The following HEATR4 variants were observed in gnomAD, a reference collection of about 807,000 sequenced individuals.
HEATR4 encodes the protein HEAT repeat-containing protein 4.
In HEATR4, 95 loss-of-function variants were observed where a neutral mutation model predicts 108.8. The ratio of observed to expected loss-of-function variants is 0.87; its 90% CI spans 0.74 to 1.04. The LOEUF (loss-of-function observed/expected upper bound fraction) is 1.04. HEATR4 is among the 50% of genes least tolerant of loss of function. The pLI is 0.00. For missense variants in HEATR4, 1,152 were observed against 1,253.8 expected (o/e 0.92, Z 1.23); for synonymous variants, 443 against 459.4 (o/e 0.96, Z 0.46).
chr14:73,496,809 C>A, intron 14 of HEATR4, 130 bp from the exon 15 acceptor site: 1 of 617,922 alleles, frequency 1.6e-6, no homozygotes, highest in Non-Finnish European at 2.9e-6. Flanking sequence ...TTTTGCTGAG[C>A]CTTATATGCA....
chr14:73,561,652 C>T (rs1889532853), upstream of HEATR4, among the ~76,000 whole-genome samples: 1 of 151,700 alleles, frequency 6.6e-6, no homozygotes, highest in Admixed American at 6.6e-5. Context: ...CCACTCCACC[C>T]CAGCCGGGCA....
chr14:73,489,387 G>A lies in HEATR4; in HGVS notation c.2844+3679C>T, dbSNP rs1353641723. ...CCTTGGCAAGTGTTTGGATAGGCTT[G>A]CAACTGAGAAAGAGGGAGTGTTGAA... On this transcript the variant is annotated intron_variant, in intron 17 of 17. Transcript: ENST00000553558. Among the ~76,000 whole-genome samples, 4 of 152,294 alleles carry A rather than the reference G, an allele frequency of 2.6e-5. No individual in the cohort carries two copies. The East Asian group carries it at 7.7e-4, about 29-fold the overall frequency.
intron 1 of HEATR4, among the ~76,000 whole-genome samples, chr14:73,540,056 A>G (rs1356935361): frequency 8.3e-6 from 1 of 119,924 alleles, no homozygotes; most frequent in African/African-American, 2.7e-5. Context: ...ACAACAGAGT[A>G]CATTTCACAC....
At chr14:73,569,697 G>C in the HEATR4 span, 1 of 1,609,584 alleles carries the variant, frequency 6.2e-7, no homozygotes, top group South Asian at 1.1e-5. Context: ...GAAACCTTTG[G>C]TGCGGCTGGT....
rs1031492100 is a variant in HEATR4, at chr14:73,502,875, T to C, written c.2105+20A>G. On this transcript the variant is annotated intron_variant, in intron 11 of 17. Transcript: ENST00000553558. ...TCTAAGAATTTAGAAGAGTGTCTCC[T>C]CATGTTGACTGGGTCTTACCTGATT... The C allele has an allele frequency of 6.4e-7, 1 of 1,569,922 alleles. No homozygotes were observed. The highest frequency in any genetic ancestry group is 1.7e-5 in the Admixed American group (1 of 59,900).
At chr14:73,508,317 A>C (rs1886982779) in intron 8 of HEATR4, 23 bp from the exon 9 acceptor site, 1 of 1,611,480 alleles carries the variant, frequency 6.2e-7, no homozygotes, top group South Asian at 1.1e-5. Flanking sequence ...GGTGAAAAAG[A>C]GTTCAGAATG....
the HEATR4 span, among the ~76,000 whole-genome samples, chr14:73,610,027 T>C: frequency 6.6e-6 from 1 of 151,882 alleles, no homozygotes; most frequent in African/African-American, 2.4e-5. Flanking sequence ...CCTCCTGGTG[T>C]ACCTGGATAA....
chr14:73,549,128 T>C (rs1194057968), intron 1 of HEATR4, among the ~76,000 whole-genome samples: 2 of 114,852 alleles, frequency 1.7e-5, no homozygotes, highest in Non-Finnish European at 3.8e-5. Context: ...CTGTTCCTCA[T>C]AGATAGCACC....
rs753612590 is a variant in HEATR4 at position 73,490,993 on chromosome 14, CG to C, written c.2844+2072del. 6.7e-6 allele frequency: 9 copies of C among 1,348,170 alleles called. No individual in the cohort carries two copies. In the South Asian group the frequency reaches 1.8e-4, roughly 28 times the overall value. 83.5% of individuals were successfully genotyped at this position (1,348,170 alleles called of 1,614,324 possible). ...TTAGCTTCGCCCCCGGCCGGCCGGG[CG>C]GGGAAGACTGGTGTGGTCTGGCCAT... is the stretch of plus-strand genomic sequence containing the variant. On this transcript the variant is annotated intron_variant, in intron 17 of 17. Coordinates refer to ENST00000553558, the MANE Select transcript of HEATR4 (RefSeq NM_001220484.1).
the HEATR4 span, chr14:73,620,003 C>A: frequency 1.3e-6 from 1 of 749,732 alleles, no homozygotes; most frequent in Non-Finnish European, 2.0e-6. Context: ...CCTCTGCCTC[C>A]CAGGTCCAAG....
chr14:73,493,011 T>TTC lies in HEATR4; in HGVS notation c.2844+54_2844+55insGA. 1.9e-6 allele frequency: 3 copies of TTC among 1,583,668 alleles called. No homozygotes were observed. The South Asian group carries it at 3.5e-5, about 19-fold the overall frequency. On this transcript the variant is annotated intron_variant, in intron 17 of 17. Coordinates refer to ENST00000553558, the MANE Select transcript of HEATR4 (RefSeq NM_001220484.1). Reference sequence around the variant, plus strand: ...CTGCCACTGCTACCTTTTTTTTTTTTTTTTCCTTAAACTCACGTTCTTACC... The same window carrying TTC: ...CTGCCACTGCTACCTTTTTTTTTTTTTCTTTTCCTTAAACTCACGTTCTTACC...
Position 73,523,010 on chromosome 14 carries a change from A to G in HEATR4, c.143T>C (p.Met48Thr). Residue 48 changes from methionine to threonine, a missense_variant, in exon 3 of 18, where the codon ATG becomes ACG. Physicochemically the swap from Met to Thr is moderately conservative, Grantham distance 81. Coordinates refer to ENST00000553558, the MANE Select transcript of HEATR4 (RefSeq NM_001220484.1). ...EECASVSSVP[M>T]VFFSSQYRLH... Reference sequence around the variant, plus strand: ...ACGGTACTGTGAGCTGAAGAAGACCATAGGCACACTGGAGACAGAGGCACA... The same window carrying G: ...ACGGTACTGTGAGCTGAAGAAGACCGTAGGCACACTGGAGACAGAGGCACA... 6.2e-7 allele frequency: 1 copy of G among 1,614,144 alleles called. No homozygotes were observed. The highest frequency in any genetic ancestry group is 8.5e-7 in the Non-Finnish European group (1 of 1,180,046).
chr14:73,567,003 T>C, the HEATR4 span, among the ~76,000 whole-genome samples: 1 of 152,090 alleles, frequency 6.6e-6, no homozygotes, highest in Non-Finnish European at 1.5e-5. Flanking sequence ...GAGATGGGGT[T>C]TCACTGTGTT....
Position 73,522,387 on chromosome 14 carries a change from G to C in HEATR4, c.766C>G (p.Leu256Val), listed in dbSNP as rs1234992031. The C allele has an allele frequency of 1.2e-6, 2 of 1,614,134 alleles. No homozygotes were observed. The highest frequency in any genetic ancestry group is 2.7e-5 in the African/African-American group (2 of 74,944). ...IRDELTSASD[L>V]ELLKQLEAEE... is the part of the protein sequence containing the mutation. ...GCCTCCAGCTGTTTCAGGAGCTCCA[G>C]GTCACTGGCAGAGGTAAGCTCATCC... The change falls in exon 3 of 18, where the codon CTG becomes GTG. Residue 256 changes from leucine (L) to valine (V), a missense_variant. By Grantham distance (32) the Leu-to-Val change is conservative. Coordinates refer to ENST00000553558, the MANE Select transcript of HEATR4 (RefSeq NM_001220484.1).
chr14:73,629,043 G>A, the HEATR4 span, among the ~76,000 whole-genome samples: 76 of 143,852 alleles, frequency 5.3e-4, no homozygotes, highest in Non-Finnish European at 7.3e-4. Flanking sequence ...CAACAAGAGC[G>A]AGAGTATGTT....
the HEATR4 span, among the ~76,000 whole-genome samples, chr14:73,603,359 G>GT: frequency 1.3e-5 from 2 of 151,384 alleles, no homozygotes; most frequent in South Asian, 2.1e-4. Flanking sequence ...TTTGTTTTTT[G>GT]TTTTTGTTTT....
At chr14:73,629,804 C>T in the HEATR4 span, among the ~76,000 whole-genome samples, 6 of 151,972 alleles carry the variant, frequency 3.9e-5, no homozygotes, top group African/African-American at 1.4e-4. Flanking sequence ...GCCACCAAGC[C>T]CGGCTAATTT....
In HEATR4 at chr14:73,531,780, G is replaced by T. The variant is rs1392642993; in HGVS notation, c.-151-1536C>A. 3.5e-5 allele frequency among the ~76,000 whole-genome samples: 4 copies of T among 112,696 alleles called. 2 individuals carry two copies. Among genetic ancestry groups the T allele is most frequent in the Non-Finnish European group, 7.7e-5 (4 of 52,024 alleles). The allele number at this position is 112,696 out of a possible 152,430, so 73.9% of individuals were successfully genotyped here. ...TGACACCTGTAATCCCAGCAACTTG[G>T]GAGGCTGAGGTGGCGGATCACCTGA... On this transcript the variant is annotated intron_variant, in intron 1 of 17. Coordinates refer to ENST00000553558, the MANE Select transcript of HEATR4 (RefSeq NM_001220484.1).
chr14:73,595,255 C>T, the HEATR4 span: 73 of 1,614,016 alleles, frequency 4.5e-5, no homozygotes, highest in African/African-American at 4.4e-4. Context: ...TCTCAGGCCT[C>T]GTGGACATTG....
Sources: allele counts gnomAD v4.1 joint callset (sites outside exome capture counted in the v4.1 genomes callset), GRCh38; gene constraint gnomAD v4.1.1; transcripts MANE v1.5; gene names NCBI Gene and HGNC (gene_info 2026-07-23, HGNC 2026-07-21).